The following PWWP2A variants were observed in gnomAD, a reference collection of about 807,000 sequenced individuals.
The protein encoded by PWWP2A is PWWP domain containing 2A, also known as PWWP domain-containing protein 2A.
PWWP2A carries 18 observed loss-of-function variants against 48.5 expected under a neutral mutation model. The observed-to-expected ratio is 0.37, with a 90% CI of 0.26 to 0.55. The LOEUF is 0.55. PWWP2A is among the 20% of genes least tolerant of loss of function. PWWP2A has a pLI of 0.81. For missense variants in PWWP2A, 867 were observed against 976.4 expected, an observed-to-expected ratio of 0.89 and a Z score of 1.49; for synonymous variants, 396 against 387.7, an observed-to-expected ratio of 1.02 and a Z score of -0.25.
At chr5:160,117,526 G>A (rs553387350) in intron 1 of PWWP2A, among the ~76,000 whole-genome samples, 3 of 151,816 alleles carry the variant, frequency 2.0e-5, no homozygotes, top group African/African-American at 2.4e-5. Flanking sequence ...GCATGGTGGC[G>A]CACGCCTGTA....
chr5:160,107,800 A>AG (rs1246828599), intron 1 of PWWP2A, among the ~76,000 whole-genome samples: 3 of 152,088 alleles, frequency 2.0e-5, no homozygotes, highest in African/African-American at 7.2e-5. Context: ...CAGGAGTCCA[A>AG]GAGCAGCGTG....
intron 1 of PWWP2A, among the ~76,000 whole-genome samples, chr5:160,095,386 C>T (rs1349565635): frequency 6.6e-6 from 1 of 152,116 alleles, no homozygotes; most frequent in African/African-American, 2.4e-5. Flanking sequence ...ATATCAAGAA[C>T]CTGATCCTTA....
rs905883960 is a variant in PWWP2A at position 160,091,819 on chromosome 5, C to A, written c.*563G>T. 2.3e-5 allele frequency: 23 copies of A among 984,948 alleles called. No homozygotes were observed. Among genetic ancestry groups the A allele is most frequent in the Non-Finnish European group, 2.4e-5 (20 of 829,850 alleles). The allele number at this position is 984,948 out of a possible 1,614,324, so 61.0% of individuals were successfully genotyped here. A position where few individuals can be genotyped will look rare whatever the true frequency, so the allele number is the denominator to read the frequency against. On this transcript the variant is annotated 3_prime_UTR_variant, in exon 2 of 2. Transcript: ENST00000307063. ...AACACCTAACCATCTAACTTTTACACCATTATGCGCATAGAAAGGCTAAGT... is the reference window on the plus strand; with the variant it reads ...AACACCTAACCATCTAACTTTTACAACATTATGCGCATAGAAAGGCTAAGT...
At chr5:160,100,316 A>G (rs192396710) in intron 1 of PWWP2A, among the ~76,000 whole-genome samples, 7 of 152,234 alleles carry the variant, frequency 4.6e-5, no homozygotes, top group Non-Finnish European at 1.0e-4. Context: ...TCAAAAAATA[A>G]TAATAAAAAT....
Position 160,092,749 on chromosome 5 carries a change from T to C in PWWP2A, c.1901A>G (p.Lys634Arg). 3 of 1,551,624 alleles carry C rather than the reference T, an allele frequency of 1.9e-6. No individual in the cohort carries two copies. The change falls in exon 2 of 2, where the codon AAA becomes AGA. Residue 634 changes from lysine to arginine, a missense_variant. Physicochemically the swap from Lys to Arg is conservative, Grantham distance 26 (BLOSUM62 2). This residue lies in a region of PWWP2A where 382 missense variants were observed against 407.2 expected (regional missense o/e 0.94). Coordinates refer to ENST00000307063, the MANE Select transcript of PWWP2A (RefSeq NM_001130864.2). ...GACGTTTTTGGAAAAGACTTTCATT[T>C]TCAAGGAATTACTGAGCTTTTTCTC... Reference protein sequence around the residue: ...KEEKKLSNSLKMKVFSKNVSK... With the variant: ...KEEKKLSNSLRMKVFSKNVSK...
At chr5:160,070,762 A>G (rs1398595852) in intron 2 of PWWP2A, among the ~76,000 whole-genome samples, 1 of 152,232 alleles carries the variant, frequency 6.6e-6, no homozygotes, top group Non-Finnish European at 1.5e-5. Context: ...CGGCAAAATG[A>G]CAAGACCTCA....
chr5:160,100,163 T>G (rs1756122017), intron 1 of PWWP2A, among the ~76,000 whole-genome samples: 1 of 151,656 alleles, frequency 6.6e-6, no homozygotes. Flanking sequence ...GAGCAAGGCA[T>G]GGTGGCGCAC....
the PWWP2A span, among the ~76,000 whole-genome samples, chr5:160,054,974 C>T: frequency 6.6e-6 from 1 of 152,194 alleles, no homozygotes; most frequent in Non-Finnish European, 1.5e-5. Context: ...CTGCTCTGCC[C>T]TCAGGAGTCC....
chr5:160,090,127 G>A, downstream of PWWP2A: 2 of 984,884 alleles, frequency 2.0e-6, no homozygotes, highest in Non-Finnish European at 2.4e-6. Flanking sequence ...CCTCAAAGGT[G>A]TGTTCTACAA....
chr5:160,049,567 T>C, the PWWP2A span: 4 of 1,611,350 alleles, frequency 2.5e-6, no homozygotes, highest in Non-Finnish European at 3.4e-6. Flanking sequence ...AGCAGAGTTG[T>C]ATGAGAAGAC....
At chr5:160,096,281 AC>A (rs201883834) in intron 1 of PWWP2A, among the ~76,000 whole-genome samples, 1 of 152,166 alleles carries the variant, frequency 6.6e-6, no homozygotes. Flanking sequence ...AAGGAAAGGT[AC>A]CTCCTATTGT....
At chr5:160,101,011 G>C (rs1756221569) in intron 1 of PWWP2A, among the ~76,000 whole-genome samples, 1 of 152,094 alleles carries the variant, frequency 6.6e-6, no homozygotes, top group Non-Finnish European at 1.5e-5. Flanking sequence ...GAGATATATA[G>C]ATATACAAAT....
chr5:160,067,989 T>G (rs1191533400), intron 2 of PWWP2A, among the ~76,000 whole-genome samples: 1 of 152,212 alleles, frequency 6.6e-6, no homozygotes, highest in East Asian at 1.9e-4. Context: ...AAGACCAACC[T>G]GACCAACATG....
intron 2 of PWWP2A, among the ~76,000 whole-genome samples, chr5:160,086,189 T>G (rs1340886653): frequency 6.6e-6 from 1 of 152,190 alleles, no homozygotes; most frequent in Non-Finnish European, 1.5e-5. Context: ...TCAACTTCTT[T>G]TTAATGATAC....
rs1195225635 is a variant in PWWP2A at position 160,110,972 on chromosome 5, C to CAAA, written c.584+7830_584+7832dup. Among the ~76,000 whole-genome samples, 193 of 54,120 alleles carry CAAA rather than the reference C, an allele frequency of 3.6e-3. 1 individual carries two copies. The highest frequency in any genetic ancestry group is 0.011 in the African/African-American group (180 of 16,226). 35.5% of individuals were successfully genotyped at this position (54,120 alleles called of 152,430 possible). ...CTTGAACCTGAGCAAGACTCTGTCT[C>CAAA]AAAAAAAAAAAAAAAAAAAAAATGA... On this transcript the variant is annotated intron_variant, in intron 1 of 1. Coordinates refer to ENST00000307063, the MANE Select transcript of PWWP2A (RefSeq NM_001130864.2).
At chr5:160,090,423 G>A (rs1039964430), downstream of PWWP2A, 2 of 983,316 alleles carry the variant, frequency 2.0e-6, no homozygotes, top group Non-Finnish European at 2.4e-6. Flanking sequence ...CAAATACTTG[G>A]AAAATCTTTT....
Position 160,078,262 on chromosome 5 carries a change from T to C in PWWP2A, c.1670-94A>G, listed in dbSNP as rs570586244. The C allele has an allele frequency of 1.9e-6, 2 of 1,050,882 alleles. No individual in the cohort carries two copies. The highest frequency in any genetic ancestry group is 2.7e-5 in the South Asian group (2 of 73,114). The allele number at this position is 1,050,882 out of a possible 1,614,324, so 65.1% of individuals were successfully genotyped here. ...CCTTGTTGTTTAAGCCCTACATAGA[T>C]TGTGGGATCACACCTGATTTTTTCT... On this transcript the variant is annotated intron_variant, in intron 3 of 3. Transcript: ENST00000456329. This position sits in a 1 kb window ranked among gnomAD's most constrained non-coding sequence, Gnocchi z 4.2.
At position 160,119,391 on chromosome 5, in the gene PWWP2A, T is replaced by C. The variant is rs1014369431; in HGVS notation, c.-3A>G. ...GCCTCTGCAGCCACGGCCGCCATTT[T>C]CTTCCTAGCTTCTCCCTCCTCCAAC... On this transcript the variant is annotated 5_prime_UTR_variant, in exon 1 of 2. Coordinates refer to ENST00000307063, the MANE Select transcript of PWWP2A (RefSeq NM_001130864.2). The C allele has an allele frequency of 1.5e-4, 200 of 1,360,658 alleles. No individual in the cohort carries two copies. Among genetic ancestry groups the C allele is most frequent in the Non-Finnish European group, 1.9e-4 (197 of 1,063,132 alleles). 84.3% of individuals were successfully genotyped at this position (1,360,658 alleles called of 1,614,324 possible).
intron 1 of PWWP2A, among the ~76,000 whole-genome samples, chr5:160,111,191 G>T (rs1277743625): frequency 6.6e-6 from 1 of 152,004 alleles, no homozygotes; most frequent in Non-Finnish European, 1.5e-5. Flanking sequence ...TTTTGAGACA[G>T]AGTTTTGTTC....
Sources: allele counts gnomAD v4.1 joint callset (sites outside exome capture counted in the v4.1 genomes callset), GRCh38; gene constraint gnomAD v4.1.1; regional missense constraint gnomAD v4.1.1; non-coding constraint Gnocchi (gnomAD v3.1); transcripts MANE v1.5; gene names NCBI Gene and HGNC (gene_info 2026-07-23, HGNC 2026-07-21).